Variants in DCC observed in about 807,000 individuals in gnomAD.
The protein encoded by DCC is netrin receptor DCC.
In DCC, 58 loss-of-function variants were observed where a neutral mutation model predicts 172.5. The observed-to-expected ratio is 0.34, with a 90% CI of 0.27 to 0.42. The LOEUF (loss-of-function observed/expected upper bound fraction) is 0.42. Among genes scored for constraint, DCC ranks in the 10% least tolerant of loss-of-function variants. The pLI is 1.00. For synonymous variants in DCC, 709 were observed against 644.5 expected (o/e 1.10, Z -1.52); for missense variants, 1,740 against 1,791.0 (o/e 0.97, Z 0.51).
At chr18:53,351,885 C>A (rs1020185323) in intron 15 of DCC, among the ~76,000 whole-genome samples, 2 of 151,760 alleles carry the variant, frequency 1.3e-5, no homozygotes, top group Non-Finnish European at 2.9e-5. Context: ...GGTATTATCC[C>A]AATTTTAAAA....
intron 1 of DCC, among the ~76,000 whole-genome samples, chr18:52,713,226 C>T (rs537371342): frequency 1.2e-4 from 18 of 152,312 alleles, no homozygotes; most frequent in South Asian, 4.1e-4. Context: ...CCATTATAAA[C>T]TAGCCAAGGG....
chr18:52,772,170 C>A (rs2037355779), intron 2 of DCC, among the ~76,000 whole-genome samples: 1 of 152,134 alleles, frequency 6.6e-6, no homozygotes, highest in African/African-American at 2.4e-5. Flanking sequence ...TCATGACAAA[C>A]ACTTAGGTAA....
rs1199080177 is a variant in DCC at position 53,397,453 on chromosome 18, G to A, written c.2827+7G>A. ...GCCACCACGTATGAAGCAGGTATGT[G>A]AGGAAATGTCTACTTTGGACCCTTG... is the stretch of plus-strand genomic sequence containing the variant. On this transcript the variant is annotated splice_region_variant and intron_variant, in intron 18 of 28. Transcript: ENST00000442544. 1 of 1,613,888 alleles carries A rather than the reference G, an allele frequency of 6.2e-7. No homozygotes were observed. Among genetic ancestry groups the A allele is most frequent in the African/African-American group, 1.3e-5 (1 of 75,030 alleles).
chr18:53,365,531 AGTTC>A (rs2057996626), intron 15 of DCC, among the ~76,000 whole-genome samples: 1 of 152,042 alleles, frequency 6.6e-6, no homozygotes, highest in Non-Finnish European at 1.5e-5. Flanking sequence ...GAGCCCAGTT[AGTTC>A]ATTACCAAAT....
chr18:53,049,231 G>C (rs1236361224), intron 5 of DCC, among the ~76,000 whole-genome samples: 1 of 151,730 alleles, frequency 6.6e-6, no homozygotes, highest in African/African-American at 2.4e-5. Flanking sequence ...AATTGTTTTT[G>C]GCTTCTTCAT....
chr18:53,506,924 G>GTC (rs2046186634), intron 27 of DCC, among the ~76,000 whole-genome samples: 1 of 151,244 alleles, frequency 6.6e-6, no homozygotes, highest in African/African-American at 2.4e-5. Flanking sequence ...CTAAGGACTA[G>GTC]TCTCTCCATC....
rs1161172124 is a variant in DCC, at chr18:53,427,888, TATA to T, written c.3164-7251_3164-7249del. Among the ~76,000 whole-genome samples the T allele has an allele frequency of 2.9e-4, 26 of 90,650 alleles. 8 individuals carry two copies. Among genetic ancestry groups the T allele is most frequent in the South Asian group, 3.3e-4 (1 of 3,002 alleles). The allele number at this position is 90,650 out of a possible 152,430, so 59.5% of individuals were successfully genotyped here. A position where few individuals can be genotyped will look rare whatever the true frequency, so the allele number is the denominator to read the frequency against. ...AATATATAAATATATACATATATAA[TATA>T]ATAAATTATATATAATATATAATAA... On this transcript the variant is annotated intron_variant, in intron 21 of 28. Transcript: ENST00000442544.
At chr18:53,099,939 C>T (rs376616030) in intron 7 of DCC, among the ~76,000 whole-genome samples, 253 of 87,098 alleles carry the variant, frequency 2.9e-3, no homozygotes, top group Non-Finnish European at 4.0e-3. Context: ...TCTTTTCTTT[C>T]TTTCTTTTTT....
chr18:52,931,382 A>C (rs896315133), intron 5 of DCC, among the ~76,000 whole-genome samples: 1 of 152,052 alleles, frequency 6.6e-6, no homozygotes, highest in Non-Finnish European at 1.5e-5. Context: ...TCCCACAAGA[A>C]ATCCAAGCTT....
At chr18:53,525,885 TC>T (rs1160955450) in intron 27 of DCC, among the ~76,000 whole-genome samples, 2 of 152,118 alleles carry the variant, frequency 1.3e-5, no homozygotes, top group Admixed American at 6.6e-5. Context: ...AGTTTTATTT[TC>T]AGCTATAAGG....
At chr18:53,492,206 T>TATTA (rs2045966732) in intron 26 of DCC, among the ~76,000 whole-genome samples, 1 of 152,188 alleles carries the variant, frequency 6.6e-6, no homozygotes, top group Non-Finnish European at 1.5e-5. Context: ...TCTAAATAAA[T>TATTA]ATTAGTCTTT....
chr18:53,040,274 C>A (rs1006695482), intron 5 of DCC, among the ~76,000 whole-genome samples: 3 of 151,996 alleles, frequency 2.0e-5, no homozygotes, highest in Non-Finnish European at 2.9e-5. Flanking sequence ...AATCCCAACC[C>A]AATAACCTGT....
At chr18:53,041,286 C>T (rs1020505319) in intron 5 of DCC, among the ~76,000 whole-genome samples, 3 of 151,968 alleles carry the variant, frequency 2.0e-5, no homozygotes, top group Admixed American at 2.0e-4. Flanking sequence ...TTCCCCATTG[C>T]TTGTTTTTGT....
chr18:53,227,237 T>G (rs1441325513), intron 12 of DCC, among the ~76,000 whole-genome samples: 1 of 151,848 alleles, frequency 6.6e-6, no homozygotes, highest in Non-Finnish European at 1.5e-5. Context: ...TGAGCCACCA[T>G]GTCTGGCCAA....
chr18:52,374,629 CA>C (rs143227555), intron 1 of DCC, among the ~76,000 whole-genome samples: 2,358 of 152,052 alleles, frequency 0.016, 49 homozygotes, highest in African/African-American at 0.053. Flanking sequence ...CTTTTGAAAC[CA>C]AGGAAATGAG....
intron 1 of DCC, among the ~76,000 whole-genome samples, chr18:52,458,481 A>C (rs140039570): frequency 1.3e-5 from 2 of 152,260 alleles, no homozygotes; most frequent in South Asian, 2.1e-4. Context: ...TCAAAACATA[A>C]ATTTCTTATC....
At chr18:52,912,424 T>C (rs371148330) in intron 3 of DCC, among the ~76,000 whole-genome samples, 324 of 152,172 alleles carry the variant, frequency 2.1e-3, no homozygotes, top group African/African-American at 7.5e-3. Flanking sequence ...GTCTCATAAG[T>C]ATTAATTTGT....
chr18:52,837,784 T>C (rs1330992737), intron 2 of DCC, among the ~76,000 whole-genome samples: 1 of 152,232 alleles, frequency 6.6e-6, no homozygotes, highest in Non-Finnish European at 1.5e-5. Context: ...TTTACTGTAT[T>C]AGTCCATTCT....
At chr18:52,513,144 A>G (rs1300674290) in intron 1 of DCC, among the ~76,000 whole-genome samples, 2 of 152,220 alleles carry the variant, frequency 1.3e-5, no homozygotes, top group Admixed American at 6.5e-5. Flanking sequence ...TTCTCCTAGG[A>G]AGAAATGATA....
Sources: allele counts gnomAD v4.1 joint callset (sites outside exome capture counted in the v4.1 genomes callset), GRCh38; gene constraint gnomAD v4.1.1; transcripts MANE v1.5; gene names NCBI Gene and HGNC (gene_info 2026-07-23, HGNC 2026-07-21).